BDNF: variants seen among roughly 807,000 people sequenced by gnomAD.
BDNF encodes brain derived neurotrophic factor.
BDNF carries 1 observed loss-of-function variant against 19.5 expected under a neutral mutation model. The ratio of observed to expected loss-of-function variants is 0.05; its 90% CI spans 0.02 to 0.24. The LOEUF (loss-of-function observed/expected upper bound fraction) is 0.24, where lower values mean the gene tolerates loss of function less well. BDNF is among the 10% of genes least tolerant of loss of function. The pLI is 1.00. For missense variants in BDNF, 195 were observed against 317.6 expected (o/e 0.61, Z 2.93); for synonymous variants, 100 against 121.6 (o/e 0.82, Z 1.17).
At chr11:27,689,920 C>G (rs1311339486) in intron 1 of BDNF, among the ~76,000 whole-genome samples, 2 of 152,094 alleles carry the variant, frequency 1.3e-5, no homozygotes, top group African/African-American at 4.8e-5. Context: ...GTTCCCCTCC[C>G]TGAGTCCATG....
In BDNF at chr11:27,656,130, T is replaced by C. The variant is rs891701830; in HGVS notation, c.*1691A>G. On this transcript the variant is annotated 3_prime_UTR_variant, in exon 2 of 2. Coordinates refer to ENST00000356660, the MANE Select transcript of BDNF (RefSeq NM_001709.5). ...TCCCCTTGATCATTCGGCCTGAGTTTGGGGTTTCTTTTCCTGTTCCCTTTT... is the reference window on the plus strand; with the variant it reads ...TCCCCTTGATCATTCGGCCTGAGTTCGGGGTTTCTTTTCCTGTTCCCTTTT... The C allele has an allele frequency of 6.6e-6, 1 of 152,230 alleles. No individual in the cohort carries two copies. Among genetic ancestry groups the C allele is most frequent in the Non-Finnish European group, 1.5e-5 (1 of 68,052 alleles). 9.4% of individuals were successfully genotyped at this position (152,230 alleles called of 1,614,324 possible).
chr11:27,700,999 T>C, upstream of BDNF: 3 of 1,361,926 alleles, frequency 2.2e-6, no homozygotes, highest in Non-Finnish European at 2.9e-6. Flanking sequence ...ACTACGGAGC[T>C]TGCGAACGCG....
intron 1 of BDNF, chr11:27,699,600 C>T (rs1859646927): frequency 2.7e-6 from 4 of 1,475,198 alleles, no homozygotes; most frequent in Non-Finnish European, 3.6e-6. Flanking sequence ...CCAAGTTTTC[C>T]AAGCTACATT....
chr11:27,695,559 A>C (rs1858882831), intron 1 of BDNF, among the ~76,000 whole-genome samples: 2 of 152,208 alleles, frequency 1.3e-5, no homozygotes, highest in South Asian at 4.1e-4. Flanking sequence ...GGGAGATTTC[A>C]AAATCAGGAC....
chr11:27,703,269 T>C (rs1419830545), upstream of BDNF, among the ~76,000 whole-genome samples: 3 of 152,134 alleles, frequency 2.0e-5, no homozygotes, highest in Admixed American at 6.5e-5. Context: ...CACAATACAA[T>C]TTAAAAGGCT....
intron 1 of BDNF, chr11:27,699,541 C>G (rs1303548908): frequency 6.3e-7 from 1 of 1,588,546 alleles, no homozygotes; most frequent in African/African-American, 1.3e-5. Context: ...TCGGCCTGCC[C>G]GAGAGTGTCG....
At position 27,667,365 on chromosome 11, in the gene BDNF, A is replaced by G. The variant is rs536161511; in HGVS notation, c.-21-8780T>C. Among the ~76,000 whole-genome samples, 55 of 152,334 alleles carry G rather than the reference A, an allele frequency of 3.6e-4. 1 individual carries two copies. The highest frequency in any genetic ancestry group is 6.8e-4 in the Non-Finnish European group (46 of 68,026). ...TAGGAAGAAACTGCATCAACTAACG[A>G]GCAAAATAACCAGCTAACATCATAA... is the stretch of plus-strand genomic sequence containing the variant. On this transcript the variant is annotated intron_variant, in intron 1 of 1. Coordinates refer to ENST00000356660, the MANE Select transcript of BDNF (RefSeq NM_001709.5).
At chr11:27,694,866 A>C (rs1337078149) in intron 1 of BDNF, among the ~76,000 whole-genome samples, 2 of 152,212 alleles carry the variant, frequency 1.3e-5, no homozygotes, top group Admixed American at 1.3e-4. Context: ...TGTAGCAAAT[A>C]AATAAAATCA....
At chr11:27,698,340 A>G (rs1182273598) in intron 1 of BDNF, among the ~76,000 whole-genome samples, 4 of 151,962 alleles carry the variant, frequency 2.6e-5, no homozygotes, top group Admixed American at 2.6e-4. Context: ...CCCAGGGTCA[A>G]AACTTTGTGG....
chr11:27,670,273 G>C lies in BDNF; in HGVS notation c.-21-11688C>G, dbSNP rs536846076. 2.5e-4 allele frequency among the ~76,000 whole-genome samples: 38 copies of C among 152,296 alleles called. 1 individual carries two copies. In the South Asian group the frequency reaches 6.4e-3, roughly 26 times the overall value. On this transcript the variant is annotated intron_variant, in intron 1 of 1. Coordinates refer to ENST00000356660, the MANE Select transcript of BDNF (RefSeq NM_001709.5). ...AAAAATTAATTCAAGATGAATTAAAGACTTACACGTTAGACCTAAAACCAT... is the reference window on the plus strand; with the variant it reads ...AAAAATTAATTCAAGATGAATTAAACACTTACACGTTAGACCTAAAACCAT...
Position 27,658,356 on chromosome 11 carries a change from A to T in BDNF, c.209T>A (p.Leu70Gln), listed in dbSNP as rs755097391. The change falls in exon 2 of 2, where the codon CTG becomes CAG. Residue 70 changes from leucine (L) to glutamine (Q), a missense_variant. By Grantham distance (113) the Leu-to-Gln change is moderately radical (BLOSUM62 -2). This residue lies in a region of BDNF where 124 missense variants were observed against 155.0 expected (regional missense o/e 0.80). Coordinates refer to ENST00000356660, the MANE Select transcript of BDNF (RefSeq NM_001709.5). This position sits in a 1 kb window ranked among gnomAD's most constrained non-coding sequence, Gnocchi z 5.7. The part of the protein sequence containing the change: ...ADTFEHVIEE[L>Q]LDEDQKVRPN... ...CCGAACTTTCTGGTCCTCATCCAAC[A>T]GCTCTTCTATCACGTGTTCGAAAGT... is the stretch of plus-strand genomic sequence containing the variant. 9.9e-6 allele frequency: 16 copies of T among 1,614,006 alleles called. No homozygotes were observed. Among genetic ancestry groups the T allele is most frequent in the Non-Finnish European group, 1.7e-6 (2 of 1,180,024 alleles).
chr11:27,696,952 T>G (rs1859077884), intron 1 of BDNF, among the ~76,000 whole-genome samples: 5 of 152,230 alleles, frequency 3.3e-5, no homozygotes, highest in Admixed American at 3.3e-4. Context: ...GAAATTGTTC[T>G]TCTGTACTCC....
At chr11:27,677,615 A>G (rs1410025658) in intron 1 of BDNF, 1 of 152,190 alleles carries the variant, frequency 6.6e-6, no homozygotes, top group Non-Finnish European at 1.5e-5. Flanking sequence ...ACACACTATC[A>G]AGGATTCACA....
intron 1 of BDNF, chr11:27,660,070 G>T: frequency 2.1e-6 from 1 of 482,490 alleles, no homozygotes; most frequent in Non-Finnish European, 3.0e-6. Context: ...ACACATACAT[G>T]CAATGGCCAT....
chr11:27,674,172 T>C, intron 1 of BDNF: 1 of 1,610,064 alleles, frequency 6.2e-7, no homozygotes, highest in Non-Finnish European at 8.5e-7. Context: ...AGCGTGTGGG[T>C]AGACGCCAAA....
At chr11:27,701,175 C>A, upstream of BDNF, 1 of 1,199,536 alleles carries the variant, frequency 8.3e-7, no homozygotes, top group South Asian at 1.4e-5. Flanking sequence ...CCCCAGATAA[C>A]GTTACACCAA....
chr11:27,717,936 G>T (rs1182495232), intron 1 of BDNF, among the ~76,000 whole-genome samples: 1 of 151,854 alleles, frequency 6.6e-6, no homozygotes, highest in African/African-American at 2.4e-5. Flanking sequence ...AGTTGTTAAA[G>T]ACCTCAAGGT....
At chr11:27,679,325 G>A (rs1023671672) in intron 1 of BDNF, among the ~76,000 whole-genome samples, 1 of 152,122 alleles carries the variant, frequency 6.6e-6, no homozygotes, top group Non-Finnish European at 1.5e-5. Flanking sequence ...ATCTCAAGCC[G>A]AGGCCTCCTC....
At chr11:27,719,497 C>G (rs1180386958) in intron 1 of BDNF, 17 of 985,374 alleles carry the variant, frequency 1.7e-5, no homozygotes, top group Non-Finnish European at 2.0e-5. Flanking sequence ...TGAGTTACCC[C>G]GACTGACTCG....
Sources: allele counts gnomAD v4.1 joint callset (sites outside exome capture counted in the v4.1 genomes callset), GRCh38; gene constraint gnomAD v4.1.1; regional missense constraint gnomAD v4.1.1; non-coding constraint Gnocchi (gnomAD v3.1); transcripts MANE v1.5; gene names NCBI Gene and HGNC (gene_info 2026-07-23, HGNC 2026-07-21).